ACER3: variants seen among roughly 807,000 people sequenced by gnomAD.
ACER3 encodes alkaline ceramidase 3.
In ACER3, 16 loss-of-function variants were observed where a neutral mutation model predicts 48.9. The observed-to-expected ratio is 0.33, with a 90% CI of 0.22 to 0.50. The LOEUF (loss-of-function observed/expected upper bound fraction) is 0.50, where lower values mean the gene tolerates loss of function less well. ACER3 is among the 20% of genes least tolerant of loss of function. The pLI is 0.98. For missense variants in ACER3, 227 were observed against 326.0 expected (o/e 0.70, Z 2.34); for synonymous variants, 109 against 107.8 (o/e 1.01, Z -0.07).
intron 1 of ACER3, among the ~76,000 whole-genome samples, chr11:76,901,831 G>A (rs1302743403): frequency 6.6e-6 from 1 of 152,158 alleles, no homozygotes; most frequent in African/African-American, 2.4e-5. Flanking sequence ...GTCAGGAGTG[G>A]ATCTTTAACT....
intron 7 of ACER3, 36 bp downstream of exon 7, chr11:76,998,857 T>C (rs1948970026): frequency 6.7e-7 from 1 of 1,494,472 alleles, no homozygotes; most frequent in Admixed American, 2.0e-5. Flanking sequence ...ATGACTGAAG[T>C]ATATTCAGAC....
chr11:76,896,674 T>C (rs773496831), intron 1 of ACER3, among the ~76,000 whole-genome samples: 9 of 152,176 alleles, frequency 5.9e-5, no homozygotes, highest in Non-Finnish European at 1.3e-4. Context: ...GATCCTGTGA[T>C]AGACTTTGAG....
intron 5 of ACER3, among the ~76,000 whole-genome samples, chr11:76,987,781 T>G (rs1388400367): frequency 1.3e-5 from 2 of 151,942 alleles, no homozygotes; most frequent in East Asian, 3.9e-4. Flanking sequence ...TACAAAACAT[T>G]TTTTAAAAAT....
At chr11:76,971,465 G>A (rs4945127) in intron 3 of ACER3, among the ~76,000 whole-genome samples, 91,264 of 151,680 alleles carry the variant, frequency 0.6, 30,829 homozygotes, top group Non-Finnish European at 0.76. Context: ...ACTTGAACCC[G>A]GGAGGCAGAG....
In ACER3 at chr11:77,013,100, T is replaced by A. The variant is rs960303379; in HGVS notation, c.498-1916T>A. 2.0e-5 allele frequency among the ~76,000 whole-genome samples: 3 copies of A among 152,124 alleles called. No homozygotes were observed. In the East Asian group the frequency reaches 5.8e-4, roughly 29 times the overall value. On this transcript the variant is annotated intron_variant, in intron 7 of 10. Transcript: ENST00000532485. ...AATGAATTTCAACCTCACACCAATA[T>A]AAAAATTTAATAGAAGTGAGTTCTA...
chr11:76,923,971 G>C (rs1946751599), intron 1 of ACER3, among the ~76,000 whole-genome samples: 1 of 152,098 alleles, frequency 6.6e-6, no homozygotes, highest in Non-Finnish European at 1.5e-5. Flanking sequence ...TAGATTTCCT[G>C]AGTTCTTTCT....
intron 2 of ACER3, among the ~76,000 whole-genome samples, chr11:76,953,670 G>T (rs11237031): frequency 0.72 from 109,911 of 152,086 alleles, 40,129 homozygotes; most frequent in African/African-American, 0.78. Context: ...TTTTTAAAAA[G>T]TTGTATTTTA....
chr11:76,930,086 G>A (rs11237021), intron 2 of ACER3, among the ~76,000 whole-genome samples: 102,335 of 150,678 alleles, frequency 0.68, 35,160 homozygotes, highest in Non-Finnish European at 0.74. Context: ...TTGGCTGTGA[G>A]TCCGTCTGGT....
At chr11:76,917,399 T>TTATA (rs1338443708) in intron 1 of ACER3, among the ~76,000 whole-genome samples, 1 of 152,150 alleles carries the variant, frequency 6.6e-6, no homozygotes, top group Non-Finnish European at 1.5e-5. Flanking sequence ...TTCTAAACTA[T>TTATA]TATATATATC....
chr11:76,967,191 TAA>T (rs1360330264), intron 3 of ACER3, among the ~76,000 whole-genome samples: 2 of 152,122 alleles, frequency 1.3e-5, no homozygotes, highest in Non-Finnish European at 2.9e-5. Context: ...TCTATGCCAA[TAA>T]ACTAGAAAAT....
chr11:76,889,400 G>C (rs1437651933), intron 1 of ACER3, among the ~76,000 whole-genome samples: 1 of 151,692 alleles, frequency 6.6e-6, no homozygotes, highest in East Asian at 1.9e-4. Context: ...AGAATTTTAG[G>C]GTTTTCTGTC....
At position 76,959,256 on chromosome 11, in the gene ACER3, T is replaced by C. The variant is rs1260780283; in HGVS notation, c.267+225T>C. 9 of 1,368,844 alleles carry C rather than the reference T, an allele frequency of 6.6e-6. No individual in the cohort carries two copies. The South Asian group carries it at 1.0e-4, about 16-fold the overall frequency. The allele number at this position is 1,368,844 out of a possible 1,614,324, so 84.8% of individuals were successfully genotyped here. On this transcript the variant is annotated intron_variant, in intron 3 of 10. Coordinates refer to ENST00000532485, the MANE Select transcript of ACER3 (RefSeq NM_018367.7). ...GTATAGGGCTTTTTGACCATCTCTGTGCGGGCATATAAAATTGAGAGCAGC... is the reference window on the plus strand; with the variant it reads ...GTATAGGGCTTTTTGACCATCTCTGCGCGGGCATATAAAATTGAGAGCAGC...
At chr11:76,993,724 G>A (rs954928606) in intron 6 of ACER3, among the ~76,000 whole-genome samples, 1 of 152,170 alleles carries the variant, frequency 6.6e-6, no homozygotes, top group African/African-American at 2.4e-5. Context: ...ATGGTTTTGG[G>A]ATTCCACCTC....
At chr11:76,887,008 A>G (rs1945690802) in intron 1 of ACER3, among the ~76,000 whole-genome samples, 1 of 152,182 alleles carries the variant, frequency 6.6e-6, no homozygotes. Flanking sequence ...AACAATATAT[A>G]AAGTTTAAGA....
At chr11:76,976,886 A>G (rs940889606) in intron 4 of ACER3, among the ~76,000 whole-genome samples, 1 of 152,214 alleles carries the variant, frequency 6.6e-6, no homozygotes, top group African/African-American at 2.4e-5. Flanking sequence ...GCCATTCCCA[A>G]TCCAAAGTTC....
Position 76,926,610 on chromosome 11 carries a change from C to A in ACER3, c.157C>A (p.Gln53Lys), listed in dbSNP as rs1203477739. 4 of 1,608,838 alleles carry A rather than the reference C, an allele frequency of 2.5e-6. No homozygotes were observed. The Admixed American group carries it at 6.7e-5, about 27-fold the overall frequency. ...TATACCTCCAATGTTCGGTGCAGTTCAGAGTGTTAGAGACGGTCTGGAAAA... is the reference window on the plus strand; with the variant it reads ...TATACCTCCAATGTTCGGTGCAGTTAAGAGTGTTAGAGACGGTCTGGAAAA... ...MIIPPMFGAV[Q>K]SVRDGLEKRY... The change falls in exon 2 of 11, where the codon CAG becomes AAG. Residue 53 changes from glutamine to lysine, a missense_variant. This residue lies in a region of ACER3 where 195 missense variants were observed against 290.8 expected (regional missense o/e 0.67). Coordinates refer to ENST00000532485, the MANE Select transcript of ACER3 (RefSeq NM_018367.7).
At chr11:77,010,047 C>G (rs964478716) in intron 7 of ACER3, among the ~76,000 whole-genome samples, 3 of 152,000 alleles carry the variant, frequency 2.0e-5, no homozygotes, top group Non-Finnish European at 4.4e-5. Context: ...AATTTGCCCT[C>G]CAATAGAAAG....
At chr11:76,942,506 A>T (rs1471478387) in intron 2 of ACER3, among the ~76,000 whole-genome samples, 1 of 151,992 alleles carries the variant, frequency 6.6e-6, no homozygotes, top group Admixed American at 6.6e-5. Flanking sequence ...GCATATGTTT[A>T]ACTATCCTTG....
At chr11:76,863,050 A>T (rs1293063752) in intron 1 of ACER3, among the ~76,000 whole-genome samples, 2 of 152,018 alleles carry the variant, frequency 1.3e-5, no homozygotes, top group African/African-American at 4.8e-5. Context: ...ACATAGTGAG[A>T]CCCTGTCTCC....
Sources: allele counts gnomAD v4.1 joint callset (sites outside exome capture counted in the v4.1 genomes callset), GRCh38; gene constraint gnomAD v4.1.1; regional missense constraint gnomAD v4.1.1; transcripts MANE v1.5; gene names NCBI Gene and HGNC (gene_info 2026-07-23, HGNC 2026-07-21).